Variants in AGRN observed in about 807,000 individuals in gnomAD.
AGRN encodes the protein agrin.
AGRN carries 106 observed loss-of-function variants against 211.0 expected under a neutral mutation model. That is an observed-to-expected ratio of 0.50 (90% CI 0.43 to 0.59). The LOEUF is 0.59. Among genes scored for constraint, AGRN ranks in the 20% least tolerant of loss-of-function variants. The pLI, the probability that AGRN is intolerant of heterozygous loss-of-function variation, is 0.00. For synonymous variants in AGRN, 1,525 were observed against 1,332.5 expected, an observed-to-expected ratio of 1.14 and a Z score of -3.15; for missense variants, 3,040 against 2,982.6, an observed-to-expected ratio of 1.02 and a Z score of -0.45.
intron 12 of AGRN, among the ~76,000 whole-genome samples, chr1:1,044,663 G>A (rs1334174731): frequency 6.6e-6 from 1 of 152,224 alleles, no homozygotes; most frequent in East Asian, 1.9e-4. Flanking sequence ...AGGCCTCAGT[G>A]CTGAGAGGCA....
chr1:1,045,714 T>C lies in AGRN; in HGVS notation c.2537-19T>C. 1 of 1,613,168 alleles carries C rather than the reference T, an allele frequency of 6.2e-7. No homozygotes were observed. The highest frequency in any genetic ancestry group is 8.5e-7 in the Non-Finnish European group (1 of 1,179,932). ...CGTCCAGGTGCGGACATCACGTTCC[T>C]CCCCGATTTTCCCCAAAGCCTGCAG... On this transcript the variant is annotated intron_variant, in intron 14 of 35. Transcript: ENST00000379370.
chr1:1,045,138 G>A (rs1255038890), intron 12 of AGRN, 23 bp from the exon 13 acceptor site: 2 of 1,608,536 alleles, frequency 1.2e-6, no homozygotes, highest in East Asian at 2.2e-5. Context: ...CATGAAATCT[G>A]AGTCCCGTAC....
chr1:1,041,282 C>G lies in AGRN; in HGVS notation c.837C>G (p.Ala279=). The change falls in exon 5 of 36, where the codon GCC becomes GCG. Residue 279 remains alanine (A), a synonymous_variant. Coordinates refer to ENST00000379370, the MANE Select transcript of AGRN (RefSeq NM_198576.4). ...TGTGCCCCGCGACCTGCCGTGGCGC[C>G]CCCGAGGGGACCGTCTGCGGCAGCG... ...SCLCPATCRG[A]PEGTVCGSDG... is the part of the protein sequence containing the mutation. 1 of 1,512,772 alleles carries G rather than the reference C, an allele frequency of 6.6e-7. No individual in the cohort carries two copies. The highest frequency in any genetic ancestry group is 8.8e-7 in the Non-Finnish European group (1 of 1,136,266). 93.7% of individuals were successfully genotyped at this position (1,512,772 alleles called of 1,614,324 possible).
chr1:1,035,406 A>G, intron 3 of AGRN, 82 bp downstream of exon 3: 1 of 1,547,526 alleles, frequency 6.5e-7, no homozygotes, highest in African/African-American at 1.4e-5. Context: ...GTGCACCCAG[A>G]CGTGTGGAGT....
At chr1:1,035,858 G>A (rs1424822913) in intron 3 of AGRN, among the ~76,000 whole-genome samples, 1 of 152,056 alleles carries the variant, frequency 6.6e-6, no homozygotes, top group Non-Finnish European at 1.5e-5. Flanking sequence ...AAGTGATGGA[G>A]GGGGCGGGCT....
chr1:1,035,153 T>A (rs949676676), intron 2 of AGRN, 124 bp from the exon 3 acceptor site: 1 of 1,061,960 alleles, frequency 9.4e-7, no homozygotes, highest in Non-Finnish European at 1.4e-6. Context: ...GCAGCCTGGA[T>A]CCCTGGGGCT....
intron 3 of AGRN, among the ~76,000 whole-genome samples, chr1:1,035,986 T>TC (rs1644796248): frequency 1.3e-5 from 2 of 152,058 alleles, no homozygotes; most frequent in East Asian, 1.9e-4. Flanking sequence ...AGTGGTCAGC[T>TC]TTGCAGAGGA....
rs768185421 is a variant in AGRN at position 1,045,467 on chromosome 1, A to G, written c.2480A>G (p.Glu827Gly). 9 of 1,612,856 alleles carry G rather than the reference A, an allele frequency of 5.6e-6. No homozygotes were observed. In the South Asian group the frequency reaches 8.8e-5, roughly 16 times the overall value. The change falls in exon 14 of 36, where the codon GAG (glutamate) becomes GGG (glycine). Residue 827 changes from glutamate (E) to glycine (G), a missense_variant. By Grantham distance (98) the Glu-to-Gly change is moderately conservative (BLOSUM62 -2). Coordinates refer to ENST00000379370, the MANE Select transcript of AGRN (RefSeq NM_198576.4). ...GVGGLRCDRC[E>G]PGFWNFRGIV... ...GGGGGCCTCAGGTGTGACCGCTGTGAGCCTGGCTTCTGGAACTTTCGAGGC... is the reference window on the plus strand; with the variant it reads ...GGGGGCCTCAGGTGTGACCGCTGTGGGCCTGGCTTCTGGAACTTTCGAGGC...
chr1:1,049,849 A>G, intron 26 of AGRN, 54 bp downstream of exon 26: 1 of 1,610,254 alleles, frequency 6.2e-7, no homozygotes. Context: ...TGTGGGCGGT[A>G]CCCAACCGAC....
chr1:1,050,744 C>G lies in AGRN; in HGVS notation c.5160C>G (p.Thr1720=), dbSNP rs758276484. 6.2e-7 allele frequency: 1 copy of G among 1,603,056 alleles called. No homozygotes were observed. The highest frequency in any genetic ancestry group is 8.5e-7 in the Non-Finnish European group (1 of 1,177,348). The change falls in exon 30 of 36, where the codon ACC becomes ACG. Residue 1720 remains threonine (T), a synonymous_variant. Coordinates refer to ENST00000379370, the MANE Select transcript of AGRN (RefSeq NM_198576.4). Reference sequence around the variant, plus strand: ...TCACCAGGAGCAGGGAGCCAGTCACCCTGGGAGCCTGGACCAGGGTCTCAC... The same window carrying G: ...TCACCAGGAGCAGGGAGCCAGTCACGCTGGGAGCCTGGACCAGGGTCTCAC... The part of the protein sequence containing the change: ...AAVIRSREPV[T]LGAWTRVSLE...
chr1:1,020,316 C>T lies in AGRN; in HGVS notation c.144C>T (p.Thr48=), dbSNP rs1282970149. The T allele has an allele frequency of 1.3e-6, 2 of 1,490,214 alleles. No homozygotes were observed. The highest frequency in any genetic ancestry group is 2.3e-4 in the Middle Eastern group (1 of 4,444). The allele number at this position is 1,490,214 out of a possible 1,614,324, so 92.3% of individuals were successfully genotyped here. ...AGGAGGAGGCGAACGTGGTGCTCACCGGGACGGTGGAGGAGATCCTCAACG... is the reference window on the plus strand; with the variant it reads ...AGGAGGAGGCGAACGTGGTGCTCACTGGGACGGTGGAGGAGATCCTCAACG... ...RREEEANVVL[T]GTVEEILNVD... is the part of the protein sequence containing the mutation. Residue 48 remains threonine (T), a synonymous_variant, in exon 1 of 36, where the codon ACC becomes ACT. Coordinates refer to ENST00000379370, the MANE Select transcript of AGRN (RefSeq NM_198576.4).
At chr1:1,036,600 G>A (rs1162649581) in intron 3 of AGRN, among the ~76,000 whole-genome samples, 3 of 152,128 alleles carry the variant, frequency 2.0e-5, no homozygotes, top group South Asian at 4.1e-4. Flanking sequence ...CTGGGGTGAG[G>A]AGCTGGGCAG....
At chr1:1,030,101 ATG>A (rs1270260680) in intron 2 of AGRN, among the ~76,000 whole-genome samples, 57 of 16,824 alleles carry the variant, frequency 3.4e-3, no homozygotes, top group African/African-American at 7.6e-3. Flanking sequence ...TGAGATCAGC[ATG>A]TGTGTGTGTG....
rs113671331 is a variant in AGRN, at chr1:1,044,289, G to A, written c.2148+32G>A. ...TCTGTACCCCTGGCTCTCGGCGGGC[G>A]GCGGGGACGGGGCTGCGGCCGCTCA... is the stretch of plus-strand genomic sequence containing the variant. On this transcript the variant is annotated intron_variant, in intron 11 of 35. Coordinates refer to ENST00000379370, the MANE Select transcript of AGRN (RefSeq NM_198576.4). 783 of 1,612,424 alleles carry A rather than the reference G, an allele frequency of 4.9e-4. 2 individuals are homozygous for A. In the African/African-American group the frequency reaches 8.0e-3, roughly 17 times the overall value.
At chr1:1,044,285 G>T (rs765406496) in intron 11 of AGRN, 28 bp downstream of exon 11, 1 of 1,612,346 alleles carries the variant, frequency 6.2e-7, no homozygotes, top group Non-Finnish European at 8.5e-7. Flanking sequence ...GGCTCTCGGC[G>T]GGCGGCGGGG....
rs748076659 is a variant in AGRN at position 1,050,027 on chromosome 1, C to A, written c.4869C>A (p.Phe1623Leu). 41 of 1,533,250 alleles carry A rather than the reference C, an allele frequency of 2.7e-5. No individual in the cohort carries two copies. The Middle Eastern group carries it at 7.1e-4, about 27-fold the overall frequency. The allele number at this position is 1,533,250 out of a possible 1,614,324, so 95.0% of individuals were successfully genotyped here. A position where few individuals can be genotyped will look rare whatever the true frequency, so the allele number is the denominator to read the frequency against. Residue 1623 changes from phenylalanine (F) to leucine (L), a missense_variant, in exon 27 of 36, where the codon TTC (phenylalanine) becomes TTA (leucine). This residue lies in a region of AGRN where 1,537 missense variants were observed against 1,505.0 expected (regional missense o/e 1.02). Coordinates refer to ENST00000379370, the MANE Select transcript of AGRN (RefSeq NM_198576.4). ...GCCCCCTGGGGCGTGAGGGCACCTT[C>A]TGCCAGACAGGTCGGGGGCGTGGGG... The part of the protein sequence containing the change: ...CECPLGREGT[F>L]CQTASGQDGS...
chr1:1,051,293 T>A lies in AGRN; in HGVS notation c.5294T>A (p.Val1765Glu). Residue 1765 changes from valine (V) to glutamate (E), a missense_variant, in exon 31 of 36, where the codon GTA (valine) becomes GAA (glutamate). By Grantham distance (121) the Val-to-Glu change is moderately radical (BLOSUM62 -2). Coordinates refer to ENST00000379370, the MANE Select transcript of AGRN (RefSeq NM_198576.4). ...TVLNLKEPLYVGGAPDFSKLA... is the reference protein window; with the variant it reads ...TVLNLKEPLYEGGAPDFSKLA... ...CTCAACCTGAAGGAGCCGCTCTACG[T>A]AGGGGGCGCTCCCGACTTCAGCAAG... is the stretch of plus-strand genomic sequence containing the variant. 2 of 1,575,348 alleles carry A rather than the reference T, an allele frequency of 1.3e-6. No homozygotes were observed. The highest frequency in any genetic ancestry group is 1.7e-6 in the Non-Finnish European group (2 of 1,161,248).
At chr1:1,021,804 C>G (rs1401381320) in intron 1 of AGRN, among the ~76,000 whole-genome samples, 1 of 152,266 alleles carries the variant, frequency 6.6e-6, no homozygotes, top group Non-Finnish European at 1.5e-5. Context: ...GCCCCATCCC[C>G]CTCCTCCACT....
intron 3 of AGRN, among the ~76,000 whole-genome samples, chr1:1,036,629 G>T (rs992854214): frequency 5.6e-4 from 86 of 152,264 alleles, no homozygotes; most frequent in African/African-American, 2.0e-3. Flanking sequence ...GGGAATGGTG[G>T]CTGTGGGAAC....
Sources: gnomAD v4.1 joint callset for allele counts (sites outside exome capture counted in the v4.1 genomes callset) on GRCh38, gnomAD v4.1.1 for gene constraint, gnomAD v4.1.1 regional missense constraint, MANE v1.5 for transcripts, NCBI Gene and HGNC (gene_info 2026-07-23, HGNC 2026-07-21) for gene names.